Variants in CILK1 observed in about 807,000 individuals in gnomAD.
The protein encoded by CILK1 is ciliogenesis associated kinase 1.
A neutral mutation model predicts 79.2 loss-of-function variants in CILK1; 47 were observed. The ratio of observed to expected loss-of-function variants is 0.59; its 90% confidence interval spans 0.47 to 0.76. CILK1 has a LOEUF of 0.76. CILK1 is among the 30% of genes least tolerant of loss of function. CILK1 has a pLI of 0.00. For missense variants in CILK1, 660 were observed against 769.5 expected (o/e 0.86, Z 1.68); for synonymous variants, 266 against 275.9 (o/e 0.96, Z 0.36).
intron 1 of CILK1, among the ~76,000 whole-genome samples, chr6:53,054,365 A>G (rs947870556): frequency 1.3e-5 from 2 of 151,990 alleles, no homozygotes; most frequent in East Asian, 1.9e-4. Context: ...TTGTCTTCTC[A>G]CTCCACTTGC....
chr6:53,051,217 A>T (rs1214073813), intron 1 of CILK1, among the ~76,000 whole-genome samples: 1 of 152,234 alleles, frequency 6.6e-6, no homozygotes, highest in Non-Finnish European at 1.5e-5. Context: ...TTTTCTTGTT[A>T]AGGACATGTC....
chr6:53,019,230 C>A lies in CILK1; in HGVS notation c.488G>T (p.Arg163Ile). 2 of 1,613,368 alleles carry A rather than the reference C, an allele frequency of 1.2e-6. No homozygotes were observed. The highest frequency in any genetic ancestry group is 1.7e-6 in the Non-Finnish European group (2 of 1,179,354). Reference sequence around the variant, plus strand: ...TTTTGAGAAAAATGGTATTCACCATCTGGTAGATACATAATCTGTATATGG... The same window carrying A: ...TTTTGAGAAAAATGGTATTCACCATATGGTAGATACATAATCTGTATATGG... ...KPPYTDYVST[R>I]WYRAPEVLLR... Residue 163 changes from arginine to isoleucine, a missense_variant, in exon 6 of 14, where the codon AGA becomes ATA. Transcript: ENST00000676107.
At chr6:53,054,671 A>AGGCCTTT (rs1190261631) in intron 1 of CILK1, 1 of 152,294 alleles carries the variant, frequency 6.6e-6, no homozygotes, top group African/African-American at 2.4e-5. Flanking sequence ...CGGTCAGATC[A>AGGCCTTT]GGCCTTTGGC....
At chr6:53,034,853 C>A (rs1766203296) in intron 3 of CILK1, among the ~76,000 whole-genome samples, 1 of 152,136 alleles carries the variant, frequency 6.6e-6, no homozygotes, top group African/African-American at 2.4e-5. Context: ...GGAGCATCAC[C>A]AAGATGTGAC....
At chr6:53,008,838 T>A (rs1297544383) in intron 12 of CILK1, among the ~76,000 whole-genome samples, 2 of 152,316 alleles carry the variant, frequency 1.3e-5, no homozygotes, top group East Asian at 3.9e-4. Context: ...ATGAAGGCAG[T>A]GCACTTGGCA....
intron 2 of CILK1, among the ~76,000 whole-genome samples, chr6:53,039,570 G>A (rs1581740749): frequency 6.6e-6 from 1 of 152,210 alleles, no homozygotes; most frequent in African/African-American, 2.4e-5. Flanking sequence ...GCTCAGGCAG[G>A]CTGGGGACCT....
chr6:53,028,944 T>C (rs1056485596), intron 5 of CILK1, among the ~76,000 whole-genome samples: 1 of 152,076 alleles, frequency 6.6e-6, no homozygotes, highest in Non-Finnish European at 1.5e-5. Flanking sequence ...GTGTGGTCTA[T>C]GTGTTTGTGT....
rs191279459 is a variant in CILK1, at chr6:53,039,727, T to A, written c.101+1409A>T. Among the ~76,000 whole-genome samples the A allele has an allele frequency of 1.1e-4, 16 of 152,214 alleles. No homozygotes were observed. The East Asian group carries it at 2.7e-3, about 26-fold the overall frequency. ...ATGTGTTCATGGAACACAAAGAACA[T>A]TTGGTCAAGTAGTTTTAGATGATTG... On this transcript the variant is annotated intron_variant, in intron 2 of 13. Coordinates refer to ENST00000676107, the MANE Select transcript of CILK1 (RefSeq NM_014920.5).
In CILK1 at chr6:53,005,315, G is replaced by GA; in HGVS notation, c.1745-13dup. The GA allele has an allele frequency of 6.2e-7, 1 of 1,614,118 alleles. No individual in the cohort carries two copies. Among genetic ancestry groups the GA allele is most frequent in the Non-Finnish European group, 8.5e-7 (1 of 1,179,982 alleles). ...CAGGGAGGAATAACCTGCAATGAAA[G>GA]AAAAAGGCCGGCATGACTGATATGG... On this transcript the variant is annotated splice_polypyrimidine_tract_variant and intron_variant, in intron 13 of 13. Transcript: ENST00000676107.
At chr6:53,049,773 C>T in intron 1 of CILK1, among the ~76,000 whole-genome samples, 1 of 152,220 alleles carries the variant, frequency 6.6e-6, no homozygotes, top group East Asian at 1.9e-4. Flanking sequence ...TGTCTCCCAG[C>T]TGGAGTGCAG....
chr6:53,060,632 G>A (rs1316544680), intron 1 of CILK1, among the ~76,000 whole-genome samples: 1 of 152,160 alleles, frequency 6.6e-6, no homozygotes, highest in Non-Finnish European at 1.5e-5. Context: ...CCAAATTGTA[G>A]CGCATTGTTC....
intron 1 of CILK1, among the ~76,000 whole-genome samples, chr6:53,048,503 A>C (rs1472644746): frequency 2.0e-5 from 3 of 152,250 alleles, no homozygotes; most frequent in Non-Finnish European, 2.9e-5. Flanking sequence ...ATCTGAGCAT[A>C]TCCTAGCAGG....
intron 7 of CILK1, among the ~76,000 whole-genome samples, 162 bp downstream of exon 7, chr6:53,018,168 C>G (rs1473305779): frequency 6.6e-6 from 1 of 152,130 alleles, no homozygotes; most frequent in Non-Finnish European, 1.5e-5. Context: ...GGAAGAGAAG[C>G]CGACCGTATC....
chr6:53,031,532 G>A (rs1211877477), intron 4 of CILK1, among the ~76,000 whole-genome samples: 1 of 152,176 alleles, frequency 6.6e-6, no homozygotes, highest in African/African-American at 2.4e-5. Flanking sequence ...ATCACTCAGA[G>A]GAGTACTGTG....
intron 8 of CILK1, 139 bp downstream of exon 8, chr6:53,015,944 A>T: frequency 1.2e-6 from 1 of 845,650 alleles, no homozygotes; most frequent in Non-Finnish European, 1.9e-6. Flanking sequence ...TTAAGTTCTC[A>T]TACCTTATAT....
intron 5 of CILK1, among the ~76,000 whole-genome samples, chr6:53,023,953 C>T (rs1032627932): frequency 1.3e-5 from 2 of 152,166 alleles, no homozygotes; most frequent in Non-Finnish European, 2.9e-5. Flanking sequence ...CAGATACATT[C>T]AAGAGGGCAT....
chr6:53,050,899 C>T (rs1020611467), intron 1 of CILK1, among the ~76,000 whole-genome samples: 3 of 152,134 alleles, frequency 2.0e-5, no homozygotes, highest in Non-Finnish European at 4.4e-5. Flanking sequence ...ATCTGAAATA[C>T]GCTTAAGACA....
chr6:53,011,494 A>T (rs1002156865), intron 11 of CILK1, among the ~76,000 whole-genome samples: 1 of 152,046 alleles, frequency 6.6e-6, no homozygotes, highest in Non-Finnish European at 1.5e-5. Context: ...AGCTACTCAG[A>T]AGGCTGAGTC....
chr6:53,035,846 G>T (rs1233941699), intron 3 of CILK1, among the ~76,000 whole-genome samples: 2 of 152,094 alleles, frequency 1.3e-5, no homozygotes, highest in Non-Finnish European at 2.9e-5. Context: ...AAGGGATGAG[G>T]AATCTTGTAA....
Sources: gnomAD v4.1 joint callset for allele counts (sites outside exome capture counted in the v4.1 genomes callset) on GRCh38, gnomAD v4.1.1 for gene constraint, MANE v1.5 for transcripts, NCBI Gene and HGNC (gene_info 2026-07-23, HGNC 2026-07-21) for gene names.